PEBP4: variants seen among roughly 807,000 people sequenced by gnomAD.
PEBP4 encodes phosphatidylethanolamine-binding protein 4.
Under a neutral mutation model 23.9 loss-of-function variants are expected in PEBP4, and 22 were observed. That is an observed-to-expected ratio of 0.92 (90% CI 0.66 to 1.31). PEBP4 has a LOEUF of 1.31. PEBP4 is among the 40% of genes most tolerant of loss of function. PEBP4 has a pLI of 0.00. For missense variants in PEBP4, 324 were observed against 281.7 expected (o/e 1.15, Z -1.07); for synonymous variants, 112 against 99.3 (o/e 1.13, Z -0.76).
chr8:22,896,443 A>T (rs993339314), intron 3 of PEBP4, among the ~76,000 whole-genome samples: 2 of 152,044 alleles, frequency 1.3e-5, no homozygotes, highest in African/African-American at 4.8e-5. Flanking sequence ...TCCTCATCCC[A>T]GTGATGGGGT....
At chr8:22,751,865 A>T (rs1161334530) in intron 4 of PEBP4, among the ~76,000 whole-genome samples, 1 of 151,954 alleles carries the variant, frequency 6.6e-6, no homozygotes, top group East Asian at 1.9e-4. Flanking sequence ...CACTCTTCTC[A>T]TCACCAGCCA....
chr8:22,848,846 G>A (rs1417826837), intron 3 of PEBP4, among the ~76,000 whole-genome samples: 4 of 152,224 alleles, frequency 2.6e-5, no homozygotes, highest in Non-Finnish European at 5.9e-5. Context: ...GTTTCCCTTT[G>A]AAGAACTATC....
intron 4 of PEBP4, among the ~76,000 whole-genome samples, chr8:22,731,030 C>A (rs1804719209): frequency 6.6e-6 from 1 of 152,212 alleles, no homozygotes; most frequent in African/African-American, 2.4e-5. Flanking sequence ...ATGGGCTGAG[C>A]ACAGACCAAA....
intron 3 of PEBP4, among the ~76,000 whole-genome samples, chr8:22,857,160 A>AT (rs1209590643): frequency 6.6e-6 from 1 of 151,634 alleles, no homozygotes; most frequent in Non-Finnish European, 1.5e-5. Flanking sequence ...GGGACATTTA[A>AT]TTTTTTTCCC....
intron 4 of PEBP4, among the ~76,000 whole-genome samples, chr8:22,750,113 CTTTT>C (rs530898279): frequency 1.5e-5 from 2 of 133,946 alleles, no homozygotes; most frequent in Admixed American, 7.5e-5. Context: ...GCCTTTCTTT[CTTTT>C]TTGAGACTGA....
chr8:22,836,841 A>G (rs544558520), intron 3 of PEBP4, among the ~76,000 whole-genome samples: 1 of 152,290 alleles, frequency 6.6e-6, no homozygotes, highest in African/African-American at 2.4e-5. Context: ...GATATTATCC[A>G]TACTGCATGA....
At chr8:22,891,832 G>T (rs751620367) in intron 3 of PEBP4, among the ~76,000 whole-genome samples, 1 of 152,226 alleles carries the variant, frequency 6.6e-6, no homozygotes, top group East Asian at 1.9e-4. Flanking sequence ...CCAGCACTTC[G>T]GGAGGCCGAG....
chr8:22,736,229 G>C (rs1053686877), intron 4 of PEBP4, among the ~76,000 whole-genome samples: 1 of 152,160 alleles, frequency 6.6e-6, no homozygotes, highest in African/African-American at 2.4e-5. Context: ...TCATTCTCTG[G>C]ATGGGGTTCC....
chr8:22,904,293 T>C (rs1808766924), intron 3 of PEBP4, among the ~76,000 whole-genome samples: 1 of 152,202 alleles, frequency 6.6e-6, no homozygotes. Flanking sequence ...AGGGAGCTTC[T>C]TCGTGGACCT....
chr8:22,863,127 T>C (rs924590080), intron 3 of PEBP4, among the ~76,000 whole-genome samples: 1 of 152,128 alleles, frequency 6.6e-6, no homozygotes, highest in African/African-American at 2.4e-5. Flanking sequence ...TACTGGAAAG[T>C]TGACCCTGGA....
chr8:22,922,164 C>T (rs1319175928), intron 2 of PEBP4, among the ~76,000 whole-genome samples: 7 of 152,190 alleles, frequency 4.6e-5, no homozygotes, highest in Non-Finnish European at 2.9e-5. Flanking sequence ...TCTCTTCACG[C>T]CCATAGGGCA....
chr8:22,873,499 C>T (rs1808053639), intron 3 of PEBP4, among the ~76,000 whole-genome samples: 1 of 151,914 alleles, frequency 6.6e-6, no homozygotes, highest in Non-Finnish European at 1.5e-5. Context: ...GGCTTAGTGG[C>T]ACAGGCTTGT....
At chr8:22,740,521 G>A (rs568386706) in intron 4 of PEBP4, among the ~76,000 whole-genome samples, 1 of 152,296 alleles carries the variant, frequency 6.6e-6, no homozygotes, top group Admixed American at 6.5e-5. Flanking sequence ...AAGCCCCTCA[G>A]CACCACCACA....
chr8:22,778,152 C>T (rs958292296), intron 4 of PEBP4, among the ~76,000 whole-genome samples: 5 of 152,102 alleles, frequency 3.3e-5, no homozygotes, highest in Non-Finnish European at 7.4e-5. Context: ...ACCCCTGTCT[C>T]TACTGCTTGT....
intron 4 of PEBP4, among the ~76,000 whole-genome samples, chr8:22,762,207 C>T (rs754778962): frequency 2.6e-5 from 4 of 152,098 alleles, no homozygotes; most frequent in Non-Finnish European, 5.9e-5. Flanking sequence ...TTTTATTAAC[C>T]AGGTGATGTC....
At chr8:22,860,209 C>CATATATATGTATATATATATAAACAT in intron 3 of PEBP4, among the ~76,000 whole-genome samples, 1 of 106,210 alleles carries the variant, frequency 9.4e-6, no homozygotes, top group African/African-American at 4.1e-5. Flanking sequence ...TATATATACA[C>CATATATATGTATATATATATAAACAT]ATATATGTAT....
Position 22,806,415 on chromosome 8 carries a change from G to C in PEBP4, c.357+11222C>G, listed in dbSNP as rs187081901. Among the ~76,000 whole-genome samples, 9 of 152,026 alleles carry C rather than the reference G, an allele frequency of 5.9e-5. 1 individual carries two copies. Among genetic ancestry groups the C allele is most frequent in the Admixed American group, 1.3e-4 (2 of 15,248 alleles). The stretch of plus-strand genomic sequence containing the variant: ...GCAGAACATCTGAGGTCAGGAGTTC[G>C]AGATCAGCCTGGCCAACAAGGTGAA... On this transcript the variant is annotated intron_variant, in intron 4 of 6. Coordinates refer to ENST00000256404, the MANE Select transcript of PEBP4 (RefSeq NM_144962.3).
chr8:22,849,257 G>A (rs961231888), intron 3 of PEBP4, among the ~76,000 whole-genome samples: 3 of 152,196 alleles, frequency 2.0e-5, no homozygotes, highest in African/African-American at 7.2e-5. Flanking sequence ...AGAAGCTGAG[G>A]CACTGAGTAA....
chr8:22,878,481 C>A (rs756558490), intron 3 of PEBP4, among the ~76,000 whole-genome samples: 1 of 152,146 alleles, frequency 6.6e-6, no homozygotes, highest in African/African-American at 2.4e-5. Flanking sequence ...CTTTTCTGCC[C>A]GTCAGTTTAC....
Sources: allele counts gnomAD v4.1 joint callset (sites outside exome capture counted in the v4.1 genomes callset), GRCh38; gene constraint gnomAD v4.1.1; transcripts MANE v1.5; gene names NCBI Gene and HGNC (gene_info 2026-07-23, HGNC 2026-07-21).